N4BP1: variants seen among roughly 807,000 people sequenced by gnomAD.
The protein encoded by N4BP1 is NEDD4-binding protein 1.
Under a neutral mutation model 70.9 loss-of-function variants are expected in N4BP1, and 21 were observed. The observed-to-expected ratio is 0.30, with a 90% CI of 0.21 to 0.43. The LOEUF (loss-of-function observed/expected upper bound fraction) is 0.43. Among genes scored for constraint, N4BP1 ranks in the 20% least tolerant of loss-of-function variants. The pLI is 1.00. For synonymous variants in N4BP1, 387 were observed against 394.6 expected, an observed-to-expected ratio of 0.98 and a Z score of 0.23; for missense variants, 936 against 1,069.4, an observed-to-expected ratio of 0.88 and a Z score of 1.74.
intron 1 of N4BP1, among the ~76,000 whole-genome samples, chr16:48,599,898 TACTC>T (rs1964471469): frequency 6.6e-6 from 1 of 152,222 alleles, no homozygotes. Context: ...TTGTAATCAT[TACTC>T]ACCCTTGGAC....
rs758933861 is a variant in N4BP1, at chr16:48,561,220, A to C, written c.1423T>G (p.Trp475Gly). 2 of 1,613,998 alleles carry C rather than the reference A, an allele frequency of 1.2e-6. No homozygotes were observed. The highest frequency in any genetic ancestry group is 1.7e-5 in the Admixed American group (1 of 60,018). ...TVPIEQKHEV[W>G]GSNQNYICNT... The stretch of plus-strand genomic sequence containing the variant: ...CAAATGTAGTTCTGGTTTGAACCCC[A>C]GACTTCATGTTTCTGTTCTATTGGC... Residue 475 changes from tryptophan to glycine, a missense_variant, in exon 2 of 7, where the codon TGG becomes GGG. By Grantham distance (184) the Trp-to-Gly change is radical. Coordinates refer to ENST00000262384, the MANE Select transcript of N4BP1 (RefSeq NM_153029.4).
chr16:48,544,876 C>T (rs370660382), intron 6 of N4BP1, among the ~76,000 whole-genome samples: 18 of 152,236 alleles, frequency 1.2e-4, no homozygotes, highest in Non-Finnish European at 1.9e-4. Context: ...ATCAGGCACT[C>T]GTGATTCAGA....
intron 1 of N4BP1, 25 bp from the exon 2 acceptor site, chr16:48,562,469 G>C: frequency 5.2e-6 from 8 of 1,545,702 alleles, no homozygotes; most frequent in African/African-American, 1.4e-5. Flanking sequence ...TAAGAAATTA[G>C]GTCAATTTAC....
At chr16:48,598,739 C>G (rs796675972) in intron 1 of N4BP1, among the ~76,000 whole-genome samples, 24 of 152,196 alleles carry the variant, frequency 1.6e-4, no homozygotes, top group African/African-American at 5.5e-4. Flanking sequence ...TTTGCTTACC[C>G]TCTGGCTGGG....
chr16:48,585,238 A>AT (rs557515338), intron 1 of N4BP1, among the ~76,000 whole-genome samples: 27 of 149,264 alleles, frequency 1.8e-4, no homozygotes, highest in East Asian at 1.8e-3. Context: ...CGGCCTACAC[A>AT]TTTTTTTTTT....
intron 1 of N4BP1, among the ~76,000 whole-genome samples, chr16:48,576,278 A>G (rs949880862): frequency 6.6e-6 from 1 of 152,188 alleles, no homozygotes; most frequent in African/African-American, 2.4e-5. Flanking sequence ...TAATGCCTTT[A>G]TTAGCCATTT....
At chr16:48,599,156 T>G (rs1964462064) in intron 1 of N4BP1, among the ~76,000 whole-genome samples, 2 of 152,164 alleles carry the variant, frequency 1.3e-5, no homozygotes, top group Admixed American at 1.3e-4. Flanking sequence ...ATAACTATAA[T>G]TTTTTCTTTC....
intron 1 of N4BP1, among the ~76,000 whole-genome samples, chr16:48,591,792 A>C (rs1964343107): frequency 1.3e-5 from 2 of 151,812 alleles, no homozygotes; most frequent in African/African-American, 2.4e-5. Flanking sequence ...AAAAAAAAAA[A>C]ACCTGTTTTC....
intron 1 of N4BP1, among the ~76,000 whole-genome samples, chr16:48,592,047 A>T (rs1047156243): frequency 6.6e-6 from 1 of 152,156 alleles, no homozygotes; most frequent in Non-Finnish European, 1.5e-5. Flanking sequence ...TTAATCAAAG[A>T]AGCATGCTCT....
chr16:48,563,010 C>T (rs1006854003), intron 1 of N4BP1, among the ~76,000 whole-genome samples: 3 of 151,760 alleles, frequency 2.0e-5, no homozygotes, highest in Non-Finnish European at 2.9e-5. Context: ...TTGAAACAAT[C>T]TATATCCTGT....
intron 1 of N4BP1, among the ~76,000 whole-genome samples, chr16:48,603,396 GAAGCT>G (rs1964532048): frequency 6.6e-6 from 1 of 151,962 alleles, no homozygotes; most frequent in South Asian, 2.1e-4. Flanking sequence ...AGTAATGCCT[GAAGCT>G]AAGCATCAAC....
At chr16:48,582,533 A>C (rs1365344430) in intron 1 of N4BP1, among the ~76,000 whole-genome samples, 1 of 152,174 alleles carries the variant, frequency 6.6e-6, no homozygotes, top group Non-Finnish European at 1.5e-5. Context: ...AGAAGCAATA[A>C]ATTGCTTCCT....
chr16:48,605,298 G>A (rs1046067390), intron 1 of N4BP1, among the ~76,000 whole-genome samples: 2 of 152,058 alleles, frequency 1.3e-5, no homozygotes, highest in Non-Finnish European at 2.9e-5. Flanking sequence ...CCAAAGTGTT[G>A]GGATTACACA....
chr16:48,580,581 AGGCCAGCATTACCCT>A (rs2151095589), intron 1 of N4BP1, among the ~76,000 whole-genome samples: 1 of 152,302 alleles, frequency 6.6e-6, no homozygotes, highest in South Asian at 2.1e-4. Context: ...TTCATTTTTG[AGGCCAGCATTACCCT>A]GGTACCAAAA....
rs112329840 is a variant in N4BP1, at chr16:48,549,469, CGT to C, written c.2118-1357_2118-1356del. Among the ~76,000 whole-genome samples the C allele has an allele frequency of 2.3e-3, 352 of 152,332 alleles. 2 individuals carry two copies. Among genetic ancestry groups the C allele is most frequent in the African/African-American group, 8.2e-3 (339 of 41,570 alleles). On this transcript the variant is annotated intron_variant, in intron 4 of 6. Transcript: ENST00000262384. ...CAAGAGCTTAGTCTGCATACTTGTACGTGTGTTCCAACGCTGCTGGTGTTAGA... is the reference window on the plus strand; with the variant it reads ...CAAGAGCTTAGTCTGCATACTTGTACGTGTTCCAACGCTGCTGGTGTTAGA...
chr16:48,584,757 C>T (rs1321172307), intron 1 of N4BP1, among the ~76,000 whole-genome samples: 2 of 151,970 alleles, frequency 1.3e-5, no homozygotes, highest in Non-Finnish European at 2.9e-5. Context: ...TAAAAAATAA[C>T]AACAAATAGA....
rs374862347 is a variant in N4BP1 at position 48,574,639 on chromosome 16, C to T, written c.199-12195G>A. 1.9e-4 allele frequency among the ~76,000 whole-genome samples: 29 copies of T among 152,136 alleles called. No individual in the cohort carries two copies. In the East Asian group the frequency reaches 1.9e-3, roughly 10 times the overall value. ...TTTTAAATGACAATCACAAAACTCC[C>T]GACATTTTAATCAACTTAAGTCAGT... On this transcript the variant is annotated intron_variant, in intron 1 of 6. Transcript: ENST00000262384.
chr16:48,551,761 G>T (rs887662565), intron 3 of N4BP1, among the ~76,000 whole-genome samples: 14 of 152,202 alleles, frequency 9.2e-5, no homozygotes, highest in African/African-American at 3.4e-4. Context: ...GCTCACGCCT[G>T]TAATCCCAGC....
At chr16:48,576,500 C>A (rs1964096193) in intron 1 of N4BP1, among the ~76,000 whole-genome samples, 1 of 152,198 alleles carries the variant, frequency 6.6e-6, no homozygotes, top group South Asian at 2.1e-4. Context: ...ATCTGTAAAT[C>A]TCCACAATTT....
Sources: gnomAD v4.1 joint callset for allele counts (sites outside exome capture counted in the v4.1 genomes callset) on GRCh38, gnomAD v4.1.1 for gene constraint, MANE v1.5 for transcripts, NCBI Gene and HGNC (gene_info 2026-07-23, HGNC 2026-07-21) for gene names.